Variants in ZNF618 observed in about 807,000 individuals in gnomAD.
ZNF618 encodes the protein neural precursor cell expressed, developmentally down-regulated 10.
A neutral mutation model predicts 103.0 loss-of-function variants in ZNF618; 34 were observed. The ratio of observed to expected loss-of-function variants is 0.33; its 90% CI spans 0.25 to 0.44. ZNF618 has a LOEUF of 0.44. Among genes scored for constraint, ZNF618 ranks in the 20% least tolerant of loss-of-function variants. The probability of loss-of-function intolerance (pLI) is 1.00; values close to 1 mark genes in which losing one functional copy is unlikely to be tolerated. For synonymous variants in ZNF618, 551 were observed against 542.2 expected, an observed-to-expected ratio of 1.02 and a Z score of -0.23; for missense variants, 1,059 against 1,295.4, an observed-to-expected ratio of 0.82 and a Z score of 2.80.
intron 2 of ZNF618, among the ~76,000 whole-genome samples, chr9:113,984,466 C>T (rs930379730): frequency 5.3e-5 from 8 of 152,182 alleles, no homozygotes; most frequent in East Asian, 3.9e-4. Flanking sequence ...AGTCTCTTGC[C>T]CAGGGCTGCA....
chr9:113,962,632 G>C (rs928030951), intron 1 of ZNF618, among the ~76,000 whole-genome samples: 10 of 152,098 alleles, frequency 6.6e-5, no homozygotes, highest in African/African-American at 2.4e-4. Flanking sequence ...CTGTCCTGGG[G>C]TCATTTGCAC....
intron 9 of ZNF618, among the ~76,000 whole-genome samples, chr9:114,014,970 T>C (rs1564300110): frequency 6.6e-6 from 1 of 152,182 alleles, no homozygotes; most frequent in Non-Finnish European, 1.5e-5. Flanking sequence ...TTTCCAAATA[T>C]ACAAAATAAA....
intron 6 of ZNF618, among the ~76,000 whole-genome samples, chr9:114,004,104 G>C (rs1841509678): frequency 6.6e-6 from 1 of 152,202 alleles, no homozygotes; most frequent in Non-Finnish European, 1.5e-5. Flanking sequence ...CCCCAAACCA[G>C]AGCAGTTTGA....
intron 13 of ZNF618, among the ~76,000 whole-genome samples, chr9:114,044,473 G>A (rs551828315): frequency 5.8e-4 from 88 of 152,220 alleles, no homozygotes; most frequent in Admixed American, 1.3e-3. Context: ...GTCCGGTAAT[G>A]TGTTGCCCCC....
chr9:114,044,886 C>T (rs936652599), intron 13 of ZNF618, among the ~76,000 whole-genome samples: 3 of 152,068 alleles, frequency 2.0e-5, no homozygotes, highest in South Asian at 2.1e-4. Flanking sequence ...AGCTTGGTCA[C>T]TGTTGATGTA....
chr9:114,023,833 A>C (rs1308227135), intron 10 of ZNF618, among the ~76,000 whole-genome samples: 1 of 151,910 alleles, frequency 6.6e-6, no homozygotes, highest in African/African-American at 2.4e-5. Context: ...TCTGATTGTT[A>C]TTCATCTATA....
intron 12 of ZNF618, among the ~76,000 whole-genome samples, chr9:114,033,602 A>G (rs1050958301): frequency 5.3e-5 from 8 of 152,154 alleles, no homozygotes; most frequent in African/African-American, 1.9e-4. Context: ...TGTCCAGAGC[A>G]GCAGCCAAGG....
At chr9:113,962,535 C>T (rs1031275523) in intron 1 of ZNF618, among the ~76,000 whole-genome samples, 1 of 152,222 alleles carries the variant, frequency 6.6e-6, no homozygotes, top group Non-Finnish European at 1.5e-5. Flanking sequence ...AGCTGACCTC[C>T]CATGATCTCT....
At chr9:113,932,300 G>C (rs899056985) in intron 1 of ZNF618, among the ~76,000 whole-genome samples, 38 of 152,174 alleles carry the variant, frequency 2.5e-4, no homozygotes, top group Non-Finnish European at 8.8e-5. Context: ...GGAATGAGCA[G>C]TAGAAAGGCC....
Position 114,049,673 on chromosome 9 carries a change from G to T in ZNF618, c.2371G>T (p.Ala791Ser). 6.2e-7 allele frequency: 1 copy of T among 1,613,858 alleles called. No homozygotes were observed. The highest frequency in any genetic ancestry group is 8.5e-7 in the Non-Finnish European group (1 of 1,179,902). Residue 791 changes from alanine to serine, a missense_variant, in exon 15 of 15, where the codon GCG becomes TCG. By Grantham distance (99) the Ala-to-Ser change is moderately conservative. Coordinates refer to ENST00000374126, the MANE Select transcript of ZNF618 (RefSeq NM_001318042.2). ...VSKLCHLFLE[A>S]LKENFKVHPA... ...CAAGCTCTGCCACCTCTTCCTGGAGGCGCTCAAGGAGAACTTCAAGGTGCA... is the reference window on the plus strand; with the variant it reads ...CAAGCTCTGCCACCTCTTCCTGGAGTCGCTCAAGGAGAACTTCAAGGTGCA...
intron 1 of ZNF618, among the ~76,000 whole-genome samples, chr9:113,883,982 GCCCCCCCCCCCCC>G (rs558766678): frequency 3.4e-5 from 1 of 29,708 alleles, no homozygotes; most frequent in African/African-American, 1.5e-4. Context: ...TCTGGGCTTG[GCCCCCCCCCCCCC>G]CCCCCCCGCC....
intron 13 of ZNF618, among the ~76,000 whole-genome samples, chr9:114,043,489 G>A (rs963011916): frequency 6.6e-6 from 1 of 152,164 alleles, no homozygotes; most frequent in Non-Finnish European, 1.5e-5. Context: ...TAATAATGTT[G>A]AGCATCTGTT....
intron 12 of ZNF618, chr9:114,035,070 G>GGAT: frequency 1.5e-6 from 1 of 656,944 alleles, no homozygotes; most frequent in Non-Finnish European, 1.9e-6. Flanking sequence ...CCTTCCTCTC[G>GGAT]GATGCTCCCC....
At chr9:113,949,330 C>A (rs760334876) in intron 1 of ZNF618, among the ~76,000 whole-genome samples, 2 of 152,198 alleles carry the variant, frequency 1.3e-5, no homozygotes, top group African/African-American at 4.8e-5. Flanking sequence ...TTCAAGGGGT[C>A]GGTGGCAGAG....
chr9:114,033,029 T>C (rs533916431), intron 12 of ZNF618, among the ~76,000 whole-genome samples: 2 of 152,268 alleles, frequency 1.3e-5, no homozygotes, highest in African/African-American at 2.4e-5. Context: ...CCCCAGATGA[T>C]TGGGCCTGAG....
intron 1 of ZNF618, among the ~76,000 whole-genome samples, chr9:113,961,641 A>T (rs549858010): frequency 1.3e-5 from 2 of 152,236 alleles, no homozygotes; most frequent in Non-Finnish European, 1.5e-5. Context: ...ACAAAAACCA[A>T]GTACAATGTG....
At chr9:113,951,475 G>A (rs372014948) in intron 1 of ZNF618, among the ~76,000 whole-genome samples, 12,836 of 26,502 alleles carry the variant, frequency 0.48, 4,013 homozygotes, top group East Asian at 0.67. Flanking sequence ...ATGTGTGTAT[G>A]TGTACACATA....
chr9:113,960,680 G>A (rs1836758582), intron 1 of ZNF618, among the ~76,000 whole-genome samples: 1 of 152,250 alleles, frequency 6.6e-6, no homozygotes, highest in Non-Finnish European at 1.5e-5. Flanking sequence ...TGGAAACTTG[G>A]CCAGTCAATC....
intron 1 of ZNF618, among the ~76,000 whole-genome samples, chr9:113,928,539 A>G (rs1354860458): frequency 3.3e-5 from 5 of 152,212 alleles, no homozygotes; most frequent in Non-Finnish European, 7.3e-5. Context: ...TCATGAGGAT[A>G]TTAGTGTGAA....
Sources: allele counts gnomAD v4.1 joint callset (sites outside exome capture counted in the v4.1 genomes callset), GRCh38; gene constraint gnomAD v4.1.1; transcripts MANE v1.5; gene names NCBI Gene and HGNC (gene_info 2026-07-23, HGNC 2026-07-21).